Variants in PEAK1 observed in about 807,000 individuals in gnomAD.
PEAK1 encodes inactive tyrosine-protein kinase PEAK1.
A neutral mutation model predicts 124.7 loss-of-function variants in PEAK1; 54 were observed. That is an observed-to-expected ratio of 0.43 (90% CI 0.35 to 0.54). The LOEUF is 0.54. Among genes scored for constraint, PEAK1 ranks in the 20% least tolerant of loss-of-function variants. The pLI, the probability that PEAK1 is intolerant of heterozygous loss-of-function variation, is 0.01. For synonymous variants in PEAK1, 719 were observed against 760.0 expected, an observed-to-expected ratio of 0.95 and a Z score of 0.89; for missense variants, 2,046 against 2,134.5, an observed-to-expected ratio of 0.96 and a Z score of 0.82.
intron 2 of PEAK1, among the ~76,000 whole-genome samples, chr15:77,299,883 A>G (rs1238566281): frequency 6.6e-6 from 1 of 152,134 alleles, no homozygotes; most frequent in Admixed American, 6.6e-5. Flanking sequence ...TGGTCTCATG[A>G]GTTCCTATTT....
chr15:77,117,085 C>A (rs1436126390), intron 9 of PEAK1, among the ~76,000 whole-genome samples: 1 of 152,062 alleles, frequency 6.6e-6, no homozygotes, highest in African/African-American at 2.4e-5. Context: ...GAGTTGGATC[C>A]AGCACATGGC....
At chr15:77,187,418 C>CAA (rs146353638) in intron 6 of PEAK1, among the ~76,000 whole-genome samples, 5 of 149,488 alleles carry the variant, frequency 3.3e-5, no homozygotes, top group African/African-American at 1.2e-4. Context: ...GATTTGATAC[C>CAA]AAAAAAAAAC....
At chr15:77,384,539 C>G (rs917659765) in intron 1 of PEAK1, among the ~76,000 whole-genome samples, 1 of 152,168 alleles carries the variant, frequency 6.6e-6, no homozygotes, top group Non-Finnish European at 1.5e-5. Flanking sequence ...TTATGCATTA[C>G]TCTATTAAGC....
intron 8 of PEAK1, among the ~76,000 whole-genome samples, chr15:77,146,590 T>G (rs750232693): frequency 1.3e-5 from 2 of 152,204 alleles, no homozygotes; most frequent in Non-Finnish European, 2.9e-5. Context: ...TGCAGCTAAC[T>G]TCGGGACAGA....
intron 2 of PEAK1, among the ~76,000 whole-genome samples, chr15:77,329,964 C>T (rs184933027): frequency 1.3e-5 from 2 of 152,100 alleles, no homozygotes; most frequent in East Asian, 3.9e-4. Context: ...AAGAGCTGGA[C>T]CTATTCACCC....
chr15:77,319,866 T>C (rs911327493), intron 2 of PEAK1, among the ~76,000 whole-genome samples: 1 of 152,116 alleles, frequency 6.6e-6, no homozygotes, highest in Non-Finnish European at 1.5e-5. Flanking sequence ...GATGATCTTT[T>C]ACTCTTTGTT....
At chr15:77,182,132 C>G in intron 6 of PEAK1, 92 bp from the exon 7 acceptor site, 3 of 1,172,362 alleles carry the variant, frequency 2.6e-6, no homozygotes, top group Non-Finnish European at 3.2e-6. Flanking sequence ...GACTCCATTC[C>G]TAAACTTTTC....
rs139849656 is a variant in PEAK1 at position 77,359,258 on chromosome 15, C to T, written c.-603+5905G>A. Among the ~76,000 whole-genome samples, 593 of 151,834 alleles carry T rather than the reference C, an allele frequency of 3.9e-3. 3 individuals are homozygous for T. The highest frequency in any genetic ancestry group is 7.3e-3 in the Non-Finnish European group (498 of 67,936). On this transcript the variant is annotated intron_variant, in intron 2 of 9. Transcript: ENST00000682557. Reference sequence around the variant, plus strand: ...TTTGTGACCAGCCTGAGCAACATGGCGAAACCCCATCTCTTCAAAAAATAT... The same window carrying T: ...TTTGTGACCAGCCTGAGCAACATGGTGAAACCCCATCTCTTCAAAAAATAT...
At chr15:77,163,245 T>G (rs1374536794) in intron 7 of PEAK1, among the ~76,000 whole-genome samples, 2 of 152,260 alleles carry the variant, frequency 1.3e-5, no homozygotes, top group African/African-American at 4.8e-5. Flanking sequence ...AATTGAGATT[T>G]GGTATGTCTG....
chr15:77,322,872 C>T (rs1236139845), intron 2 of PEAK1, among the ~76,000 whole-genome samples: 3 of 152,126 alleles, frequency 2.0e-5, no homozygotes, highest in Admixed American at 6.6e-5. Flanking sequence ...AACATCGATG[C>T]AAAAATCCTC....
At chr15:77,219,661 A>T (rs1014532418) in intron 6 of PEAK1, among the ~76,000 whole-genome samples, 11 of 152,162 alleles carry the variant, frequency 7.2e-5, no homozygotes, top group African/African-American at 2.2e-4. Context: ...CAGTACTCAT[A>T]CACCAAAGGG....
Position 77,247,470 on chromosome 15 carries a change from TTTTTC to T in PEAK1, c.-115+4892_-115+4896del, listed in dbSNP as rs1160896179. 1.5e-4 allele frequency among the ~76,000 whole-genome samples: 21 copies of T among 137,868 alleles called. 1 individual carries two copies. Among genetic ancestry groups the T allele is most frequent in the African/African-American group, 4.3e-4 (16 of 37,072 alleles). The allele number at this position is 137,868 out of a possible 152,430, so 90.4% of individuals were successfully genotyped here. On this transcript the variant is annotated intron_variant, in intron 6 of 9. Transcript: ENST00000682557. ...GGGGTTTTTAATTTTTTTTTTCTCT[TTTTTC>T]TTTTCTTTTCTTTTTTTTTTTTTTT...
chr15:77,416,819 T>C (rs1308023017), intron 1 of PEAK1, among the ~76,000 whole-genome samples: 1 of 152,236 alleles, frequency 6.6e-6, no homozygotes, highest in Admixed American at 6.5e-5. Context: ...GGAAATGTCA[T>C]ATTTCAATAT....
chr15:77,317,908 G>GT (rs1161387673), intron 2 of PEAK1, among the ~76,000 whole-genome samples: 9 of 152,174 alleles, frequency 5.9e-5, no homozygotes, highest in Admixed American at 4.6e-4. Flanking sequence ...CATGTTGGGT[G>GT]TAAAAAGCCA....
intron 6 of PEAK1, among the ~76,000 whole-genome samples, chr15:77,196,670 C>T (rs2058118992): frequency 6.6e-6 from 1 of 151,910 alleles, no homozygotes; most frequent in African/African-American, 2.4e-5. Context: ...AGTGTTTTCC[C>T]CCAGATAATA....
intron 1 of PEAK1, chr15:77,418,961 A>G: frequency 1.0e-6 from 1 of 985,234 alleles, no homozygotes; most frequent in Non-Finnish European, 1.2e-6. Context: ...TCTTTTATGT[A>G]AGTCTCTAAG....
chr15:77,352,858 CAAAA>C lies in PEAK1; in HGVS notation c.-603+12301_-603+12304del, dbSNP rs532508924. 3.7e-4 allele frequency: 368 copies of C among 984,770 alleles called. 4 individuals carry two copies. In the South Asian group the frequency reaches 0.015, roughly 41 times the overall value. The allele number at this position is 984,770 out of a possible 1,614,324, so 61.0% of individuals were successfully genotyped here. On this transcript the variant is annotated intron_variant, in intron 2 of 9. Transcript: ENST00000682557. ...TTCATAACAGCTTTGTTAAAAAAAA[CAAAA>C]AAAGACATTTAGTGAAGGATCAATG...
At chr15:77,376,131 G>A in intron 1 of PEAK1, among the ~76,000 whole-genome samples, 1 of 151,006 alleles carries the variant, frequency 6.6e-6, no homozygotes, top group African/African-American at 2.4e-5. Context: ...TAACAAAAAA[G>A]AAAATGTACA....
At chr15:77,135,287 G>C (rs2053220173) in intron 8 of PEAK1, among the ~76,000 whole-genome samples, 1 of 152,178 alleles carries the variant, frequency 6.6e-6, no homozygotes, top group African/African-American at 2.4e-5. Flanking sequence ...GTGGTGGTTT[G>C]TTTTGTTAAA....
Sources: gnomAD v4.1 joint callset for allele counts (sites outside exome capture counted in the v4.1 genomes callset) on GRCh38, gnomAD v4.1.1 for gene constraint, MANE v1.5 for transcripts, NCBI Gene and HGNC (gene_info 2026-07-23, HGNC 2026-07-21) for gene names.